Variants in LRRTM3 observed in about 807,000 individuals in gnomAD.
The protein encoded by LRRTM3 is leucine rich repeat transmembrane neuronal 3.
A neutral mutation model predicts 44.7 loss-of-function variants in LRRTM3; 24 were observed. The observed-to-expected ratio is 0.54, with a 90% CI of 0.39 to 0.76. The LOEUF (loss-of-function observed/expected upper bound fraction) is 0.76, where lower values mean the gene tolerates loss of function less well. Among genes scored for constraint, LRRTM3 ranks in the 30% least tolerant of loss-of-function variants. The pLI is 0.00. For synonymous variants in LRRTM3, 277 were observed against 278.7 expected (o/e 0.99, Z 0.06); for missense variants, 587 against 702.2 (o/e 0.84, Z 1.85).
intron 2 of LRRTM3, among the ~76,000 whole-genome samples, chr10:67,048,938 ACTTAGTTATTCCTTAGTTATT>A (rs1270098059): frequency 6.6e-6 from 1 of 151,882 alleles, no homozygotes; most frequent in Non-Finnish European, 1.5e-5. Context: ...TTAATTTTAT[ACTTAGTTATTCCTTAGTTATT>A]CTTAGTTATT....
At chr10:66,989,209 A>G (rs186960218) in intron 2 of LRRTM3, among the ~76,000 whole-genome samples, 19 of 152,184 alleles carry the variant, frequency 1.2e-4, no homozygotes, top group African/African-American at 4.6e-4. Flanking sequence ...TCTTTCTCCA[A>G]TTGACTGTAG....
At chr10:67,051,628 T>C (rs1271423236) in intron 2 of LRRTM3, among the ~76,000 whole-genome samples, 1 of 152,036 alleles carries the variant, frequency 6.6e-6, no homozygotes, top group Non-Finnish European at 1.5e-5. Flanking sequence ...ATGGTCTTGA[T>C]CTTTTGACCT....
chr10:66,960,072 A>T (rs1293293756), intron 2 of LRRTM3, among the ~76,000 whole-genome samples: 1 of 151,964 alleles, frequency 6.6e-6, no homozygotes, highest in Non-Finnish European at 1.5e-5. Flanking sequence ...AGCTATTTGA[A>T]ATTTTTTTTT....
intron 2 of LRRTM3, among the ~76,000 whole-genome samples, chr10:67,070,607 C>T (rs2147890): frequency 0.35 from 52,651 of 151,678 alleles, 9,655 homozygotes; most frequent in Middle Eastern, 0.56. Context: ...ATTAGCTGGG[C>T]ATGGTGGCGT....
intron 2 of LRRTM3, among the ~76,000 whole-genome samples, chr10:67,030,601 G>A (rs1409732116): frequency 1.3e-5 from 2 of 151,896 alleles, no homozygotes; most frequent in African/African-American, 4.8e-5. Flanking sequence ...ATCTGATTTT[G>A]CATATTTTCA....
intron 2 of LRRTM3, among the ~76,000 whole-genome samples, chr10:67,079,585 C>T (rs1856930758): frequency 6.6e-6 from 1 of 152,150 alleles, no homozygotes; most frequent in Non-Finnish European, 1.5e-5. Context: ...CGCGGTGGCT[C>T]ATGCCTGTAA....
chr10:66,967,480 T>C lies in LRRTM3; in HGVS notation c.1536+39028T>C, dbSNP rs193124116. ...ATTAATCAATAATGGTCCCATCTGG[T>C]TAACTGCATTGGAAAATGACATCTT... On this transcript the variant is annotated intron_variant, in intron 2 of 2. Coordinates refer to ENST00000361320, the MANE Select transcript of LRRTM3 (RefSeq NM_178011.5). Among the ~76,000 whole-genome samples the C allele has an allele frequency of 3.0e-3, 450 of 151,994 alleles. 4 individuals are homozygous for C. Among genetic ancestry groups the C allele is most frequent in the African/African-American group, 0.01 (435 of 41,444 alleles).
chr10:67,017,285 A>G (rs926547251), intron 2 of LRRTM3, among the ~76,000 whole-genome samples: 1 of 152,230 alleles, frequency 6.6e-6, no homozygotes, highest in African/African-American at 2.4e-5. Flanking sequence ...GGCCAAGGTT[A>G]GGTTAGTTCC....
intron 2 of LRRTM3, among the ~76,000 whole-genome samples, chr10:67,064,298 A>C (rs1189431093): frequency 6.6e-6 from 1 of 152,130 alleles, no homozygotes; most frequent in African/African-American, 2.4e-5. Flanking sequence ...ATGTATTAGC[A>C]TTCTTGTTAG....
chr10:66,934,094 GA>G (rs2132652383), intron 2 of LRRTM3, among the ~76,000 whole-genome samples: 1 of 152,070 alleles, frequency 6.6e-6, no homozygotes, highest in East Asian at 1.9e-4. Flanking sequence ...TCTGGGACAT[GA>G]TATAAGACCA....
intron 2 of LRRTM3, among the ~76,000 whole-genome samples, chr10:67,045,254 T>C (rs1448911844): frequency 6.6e-6 from 1 of 152,212 alleles, no homozygotes; most frequent in Non-Finnish European, 1.5e-5. Flanking sequence ...ACCTGTTTTG[T>C]GACAGTAGAG....
At chr10:66,986,895 C>G (rs1410343632) in intron 2 of LRRTM3, among the ~76,000 whole-genome samples, 1 of 152,040 alleles carries the variant, frequency 6.6e-6, no homozygotes, top group African/African-American at 2.4e-5. Context: ...CAGAAGTGCA[C>G]CAAATAGCCA....
chr10:67,088,600 T>A (rs190159574), intron 2 of LRRTM3, among the ~76,000 whole-genome samples: 1 of 152,054 alleles, frequency 6.6e-6, no homozygotes, highest in South Asian at 2.1e-4. Context: ...AGAATGTTTT[T>A]TCCTTACTCT....
At chr10:66,992,359 T>A (rs1166318913) in intron 2 of LRRTM3, among the ~76,000 whole-genome samples, 1 of 152,158 alleles carries the variant, frequency 6.6e-6, no homozygotes, top group Admixed American at 6.6e-5. Flanking sequence ...TTGTTGTTTC[T>A]TTGAGCTTCT....
At chr10:66,975,443 T>C (rs1035796059) in intron 2 of LRRTM3, among the ~76,000 whole-genome samples, 10 of 152,182 alleles carry the variant, frequency 6.6e-5, no homozygotes, top group African/African-American at 2.4e-4. Context: ...CATCAGCTAC[T>C]GGTGTAAGTA....
At chr10:67,014,023 G>A (rs1055656900) in intron 2 of LRRTM3, among the ~76,000 whole-genome samples, 7 of 152,156 alleles carry the variant, frequency 4.6e-5, no homozygotes, top group East Asian at 1.9e-4. Context: ...AACAAGTGAT[G>A]AAGGACAGAG....
intron 2 of LRRTM3, among the ~76,000 whole-genome samples, chr10:67,017,393 T>C (rs766838528): frequency 6.6e-5 from 10 of 152,194 alleles, no homozygotes; most frequent in Non-Finnish European, 1.2e-4. Flanking sequence ...CCACATCCTG[T>C]TGCTCTGGAA....
At chr10:67,005,994 G>A (rs1851964363) in intron 2 of LRRTM3, among the ~76,000 whole-genome samples, 1 of 151,716 alleles carries the variant, frequency 6.6e-6, no homozygotes. Flanking sequence ...CCTACTCCAT[G>A]ATTTTTTTGA....
At chr10:66,933,311 C>T (rs1847513993) in intron 2 of LRRTM3, among the ~76,000 whole-genome samples, 1 of 152,196 alleles carries the variant, frequency 6.6e-6, no homozygotes, top group South Asian at 2.1e-4. Context: ...CTGATTATCA[C>T]AATGTACAAC....
Sources: gnomAD v4.1 joint callset for allele counts (sites outside exome capture counted in the v4.1 genomes callset) on GRCh38, gnomAD v4.1.1 for gene constraint, MANE v1.5 for transcripts, NCBI Gene and HGNC (gene_info 2026-07-23, HGNC 2026-07-21) for gene names.